CDH10: variants seen among roughly 807,000 people sequenced by gnomAD.
CDH10 encodes the protein cadherin-10.
Under a neutral mutation model 73.1 loss-of-function variants are expected in CDH10, and 30 were observed. The observed-to-expected ratio is 0.41, with a 90% CI of 0.31 to 0.56. The LOEUF (loss-of-function observed/expected upper bound fraction) is 0.56. CDH10 is among the 20% of genes least tolerant of loss of function. CDH10 has a pLI of 0.27. For missense variants in CDH10, 815 were observed against 973.7 expected (o/e 0.84, Z 2.17); for synonymous variants, 345 against 348.2 (o/e 0.99, Z 0.10).
chr5:24,523,732 C>T (rs1328305867), intron 5 of CDH10, among the ~76,000 whole-genome samples: 6 of 151,840 alleles, frequency 4.0e-5, no homozygotes, highest in South Asian at 2.1e-4. Context: ...TTTTATTTTT[C>T]GATTGGTGCA....
chr5:24,640,891 T>G (rs542239309), intron 1 of CDH10, among the ~76,000 whole-genome samples: 1 of 152,042 alleles, frequency 6.6e-6, no homozygotes, highest in African/African-American at 2.4e-5. Context: ...CTTTCATTCT[T>G]AAAAAAATCA....
chr5:24,505,484 A>C, intron 7 of CDH10, among the ~76,000 whole-genome samples: 1 of 152,208 alleles, frequency 6.6e-6, no homozygotes, highest in East Asian at 1.9e-4. Flanking sequence ...TGTGTTATTT[A>C]AATTGTTGTC....
chr5:24,543,583 C>T (rs1744233430), intron 2 of CDH10, among the ~76,000 whole-genome samples: 1 of 152,044 alleles, frequency 6.6e-6, no homozygotes, highest in Non-Finnish European at 1.5e-5. Context: ...GGCAAATACG[C>T]CATCCTCTCC....
intron 5 of CDH10, among the ~76,000 whole-genome samples, chr5:24,534,182 T>C (rs751664456): frequency 6.6e-6 from 1 of 152,118 alleles, no homozygotes; most frequent in Non-Finnish European, 1.5e-5. Context: ...TGCCTTTAAA[T>C]TTTAATACTT....
intron 2 of CDH10, among the ~76,000 whole-genome samples, chr5:24,573,149 C>CAATGAAA (rs1745458712): frequency 6.6e-6 from 1 of 150,812 alleles, no homozygotes. Flanking sequence ...TACTGCAATA[C>CAATGAAA]AATGAAAAAT....
chr5:24,516,891 A>C (rs934508830), intron 5 of CDH10, among the ~76,000 whole-genome samples: 1 of 151,902 alleles, frequency 6.6e-6, no homozygotes, highest in African/African-American at 2.4e-5. Flanking sequence ...GCAGTATTAA[A>C]AATTAAAAAA....
chr5:24,635,077 T>C (rs1246234829), intron 1 of CDH10, among the ~76,000 whole-genome samples: 1 of 151,616 alleles, frequency 6.6e-6, no homozygotes, highest in Non-Finnish European at 1.5e-5. Context: ...ATGAAAAGAA[T>C]GATCTAAATA....
chr5:24,611,287 G>T (rs76807778), intron 1 of CDH10, among the ~76,000 whole-genome samples: 3 of 152,142 alleles, frequency 2.0e-5, no homozygotes, highest in East Asian at 1.9e-4. Flanking sequence ...TGGTTAAACC[G>T]GGATTTTTTA....
chr5:24,604,982 G>A (rs1204949915), intron 1 of CDH10, among the ~76,000 whole-genome samples: 1 of 151,436 alleles, frequency 6.6e-6, no homozygotes, highest in Non-Finnish European at 1.5e-5. Flanking sequence ...TTTTCATACT[G>A]TATAAAGAAT....
chr5:24,487,508 A>G lies in CDH10; in HGVS notation c.*155T>C. 1 of 680,366 alleles carries G rather than the reference A, an allele frequency of 1.5e-6. No homozygotes were observed. The highest frequency in any genetic ancestry group is 2.5e-6 in the Non-Finnish European group (1 of 393,154). The allele number at this position is 680,366 out of a possible 1,614,324, so 42.1% of individuals were successfully genotyped here. A position where few individuals can be genotyped will look rare whatever the true frequency, so the allele number is the denominator to read the frequency against. On this transcript the variant is annotated 3_prime_UTR_variant, in exon 12 of 12. Coordinates refer to ENST00000264463, the MANE Select transcript of CDH10 (RefSeq NM_006727.5). ...ATATTCCATGAGACATCCTACAGGA[A>G]AGAATTAATGTAATTAATGAACAAA...
chr5:24,608,674 C>A (rs1010008392), intron 1 of CDH10, among the ~76,000 whole-genome samples: 1 of 152,134 alleles, frequency 6.6e-6, no homozygotes, highest in Non-Finnish European at 1.5e-5. Context: ...AGTGAAAACA[C>A]ATTTAAAAAT....
At chr5:24,561,114 G>A (rs1364642547) in intron 2 of CDH10, among the ~76,000 whole-genome samples, 2 of 152,032 alleles carry the variant, frequency 1.3e-5, no homozygotes. Flanking sequence ...CTCTCAATAA[G>A]CGGTAACCAG....
At chr5:24,560,232 G>A (rs1016018736) in intron 2 of CDH10, among the ~76,000 whole-genome samples, 87 of 150,638 alleles carry the variant, frequency 5.8e-4, no homozygotes, top group Middle Eastern at 3.5e-3. Flanking sequence ...GTGTGTGTGT[G>A]TGTGTGTGTG....
At chr5:24,591,448 A>G (rs750107344) in intron 2 of CDH10, among the ~76,000 whole-genome samples, 3 of 151,964 alleles carry the variant, frequency 2.0e-5, no homozygotes, top group Non-Finnish European at 4.4e-5. Flanking sequence ...ACATTCATAA[A>G]TTCCTTACAC....
intron 2 of CDH10, among the ~76,000 whole-genome samples, chr5:24,548,126 C>A (rs143976320): frequency 1.3e-5 from 2 of 152,054 alleles, no homozygotes; most frequent in South Asian, 2.1e-4. Context: ...AGCAGGGTTT[C>A]TTTTCTCTTT....
At chr5:24,593,678 A>G in intron 1 of CDH10, 65 bp from the exon 2 acceptor site, 1 of 535,034 alleles carries the variant, frequency 1.9e-6, no homozygotes, top group Non-Finnish European at 3.3e-6. Flanking sequence ...TTTTCATTTA[A>G]AATTTAAAGT....
In CDH10 at chr5:24,535,140, G is replaced by T; in HGVS notation, c.786C>A (p.Val262=). ...TTTVNITLTD[V]NDNPPRFPQN... is the part of the protein sequence containing the mutation. ...GGGGGAAACGTGGTGGGTTGTCATTGACATCTGTCAGCGTGATGTTCACAG... is the reference window on the plus strand; with the variant it reads ...GGGGGAAACGTGGTGGGTTGTCATTTACATCTGTCAGCGTGATGTTCACAG... The change falls in exon 5 of 12, where the codon GTC becomes GTA. Residue 262 remains valine (V), a synonymous_variant. Transcript: ENST00000264463. The T allele has an allele frequency of 1.2e-6, 2 of 1,611,682 alleles. No homozygotes were observed. The highest frequency in any genetic ancestry group is 1.7e-6 in the Non-Finnish European group (2 of 1,179,292).
At chr5:24,566,228 A>G (rs912335321) in intron 2 of CDH10, among the ~76,000 whole-genome samples, 6 of 151,984 alleles carry the variant, frequency 3.9e-5, no homozygotes, top group Non-Finnish European at 8.8e-5. Context: ...TTGTATTTTT[A>G]GTAGAGGCAG....
intron 5 of CDH10, among the ~76,000 whole-genome samples, chr5:24,532,785 C>A (rs2111865570): frequency 6.6e-6 from 1 of 152,126 alleles, no homozygotes; most frequent in African/African-American, 2.4e-5. Flanking sequence ...TTTATCATTT[C>A]TATCCTAAGC....
Sources: allele counts gnomAD v4.1 joint callset (sites outside exome capture counted in the v4.1 genomes callset), GRCh38; gene constraint gnomAD v4.1.1; transcripts MANE v1.5; gene names NCBI Gene and HGNC (gene_info 2026-07-23, HGNC 2026-07-21).